Variants in WEE2 observed in about 807,000 individuals in gnomAD.
WEE2 encodes the protein WEE2 oocyte meiosis inhibiting kinase, also known as wee1-like protein kinase 2.
A neutral mutation model predicts 60.1 loss-of-function variants in WEE2; 50 were observed. The observed-to-expected ratio is 0.83, with a 90% confidence interval of 0.66 to 1.05. The LOEUF is 1.05. Among genes scored for constraint, WEE2 ranks in the 50% least tolerant of loss-of-function variants. The pLI is 0.00. For synonymous variants in WEE2, 240 were observed against 241.0 expected, an observed-to-expected ratio of 1.00 and a Z score of 0.04; for missense variants, 631 against 684.3, an observed-to-expected ratio of 0.92 and a Z score of 0.87.
chr7:141,723,322 C>T, intron 6 of WEE2, 42 bp downstream of exon 6: 1 of 1,596,194 alleles, frequency 6.3e-7, no homozygotes, highest in South Asian at 1.1e-5. Flanking sequence ...GTATTTTGTT[C>T]TTTCTATGCT....
chr7:141,723,928 A>ATT lies in WEE2; in HGVS notation c.1028-5_1028-4dup. 3 of 1,516,978 alleles carry ATT rather than the reference A, an allele frequency of 2.0e-6. No homozygotes were observed. Among genetic ancestry groups the ATT allele is most frequent in the Admixed American group, 1.8e-5 (1 of 55,666 alleles). The allele number at this position is 1,516,978 out of a possible 1,614,324, so 94.0% of individuals were successfully genotyped here. ...AGTCATTACTTACATCTATCCTGTCATTTTTTTTTCAGGTAATATATTCAT... is the reference window on the plus strand; with the variant it reads ...AGTCATTACTTACATCTATCCTGTCATTTTTTTTTTTCAGGTAATATATTCAT... On this transcript the variant is annotated splice_polypyrimidine_tract_variant and intron_variant, in intron 6 of 11. Transcript: ENST00000397541.
chr7:141,724,310 C>T, intron 8 of WEE2, 35 bp downstream of exon 8: 1 of 1,558,356 alleles, frequency 6.4e-7, no homozygotes, highest in Non-Finnish European at 8.7e-7. Context: ...ATTTTATAAT[C>T]TGTTGAACCT....
intron 4 of WEE2, chr7:141,720,652 A>G (rs1157855703): frequency 1.2e-5 from 4 of 325,428 alleles, no homozygotes; most frequent in Non-Finnish European, 2.3e-5. Context: ...ATGTTAAAAT[A>G]AAAAAAAAAC....
Position 141,708,780 on chromosome 7 carries a change from A to G in WEE2, c.22A>G (p.Lys8Glu), listed in dbSNP as rs1211377169. Residue 8 changes from lysine to glutamate, a missense_variant, in exon 1 of 12, where the codon AAA (lysine) becomes GAA (glutamate). Coordinates refer to ENST00000397541, the MANE Select transcript of WEE2 (RefSeq NM_001105558.1). ...TGAGATGGATGACAAAGATATTGAC[A>G]AAGAACTAAGGCAGAAATTAAACTT... MDDKDID[K>E]ELRQKLNFSY... 2 of 1,613,804 alleles carry G rather than the reference A, an allele frequency of 1.2e-6. No homozygotes were observed. Among genetic ancestry groups the G allele is most frequent in the Non-Finnish European group, 1.7e-6 (2 of 1,179,910 alleles).
At chr7:141,728,496 G>A (rs1242805498) in intron 10 of WEE2, among the ~76,000 whole-genome samples, 1 of 152,102 alleles carries the variant, frequency 6.6e-6, no homozygotes, top group Admixed American at 6.5e-5. Context: ...AATAAAGAAA[G>A]TACAAAGTAC....
intron 4 of WEE2, 95 bp from the exon 5 acceptor site, chr7:141,720,840 G>T: frequency 7.5e-7 from 1 of 1,330,554 alleles, no homozygotes. Flanking sequence ...TAAATATTCT[G>T]CCATTGCTAG....
At chr7:141,713,437 T>C (rs927119386) in intron 1 of WEE2, among the ~76,000 whole-genome samples, 7 of 152,172 alleles carry the variant, frequency 4.6e-5, no homozygotes, top group Non-Finnish European at 1.5e-5. Context: ...TTGGTTTCAT[T>C]CTGGTTAGGT....
Position 141,723,230 on chromosome 7 carries a change from G to A in WEE2, c.977G>A (p.Gly326Asp). 6.2e-7 allele frequency: 1 copy of A among 1,614,098 alleles called. No individual in the cohort carries two copies. The highest frequency in any genetic ancestry group is 8.5e-7 in the Non-Finnish European group (1 of 1,180,028). ...GACATCCTTCTACAGATTTCCCTTG[G>A]CCTTAATTACATCCACAACTCTAGC... ...LKDILLQISL[G>D]LNYIHNSSMV... is the part of the protein sequence containing the mutation. Residue 326 changes from glycine to aspartate, a missense_variant, in exon 6 of 12, where the codon GGC becomes GAC. Transcript: ENST00000397541.
chr7:141,714,483 G>C, intron 2 of WEE2, 78 bp downstream of exon 2: 1 of 1,106,990 alleles, frequency 9.0e-7, no homozygotes, highest in Non-Finnish European at 1.3e-6. Flanking sequence ...GTTAAAGTAA[G>C]ATTAGGAACG....
At chr7:141,719,926 C>T (rs553288718) in intron 4 of WEE2, among the ~76,000 whole-genome samples, 1 of 152,200 alleles carries the variant, frequency 6.6e-6, no homozygotes, top group South Asian at 2.1e-4. Context: ...TTTATCTTTA[C>T]TTTACATTAA....
At chr7:141,728,308 C>T (rs530534039) in intron 10 of WEE2, among the ~76,000 whole-genome samples, 190 of 152,220 alleles carry the variant, frequency 1.2e-3, no homozygotes, top group African/African-American at 4.5e-3. Context: ...CTTAGAAGTC[C>T]AGCTTCTCTT....
Position 141,708,653 on chromosome 7 carries a change from C to T in WEE2, c.-106C>T, listed in dbSNP as rs1584735494. ...GGTAGAGGGAAATTCAGGCTACCGT[C>T]GCGAAACCTGCAGGTTAAGTTATTT... On this transcript the variant is annotated 5_prime_UTR_variant, in exon 1 of 12. Coordinates refer to ENST00000397541, the MANE Select transcript of WEE2 (RefSeq NM_001105558.1). The T allele has an allele frequency of 3.1e-5, 29 of 942,814 alleles. No individual in the cohort carries two copies. The East Asian group carries it at 3.1e-4, about 10-fold the overall frequency. The allele number at this position is 942,814 out of a possible 1,614,324, so 58.4% of individuals were successfully genotyped here. A position where few individuals can be genotyped will look rare whatever the true frequency, so the allele number is the denominator to read the frequency against.
chr7:141,716,857 G>T (rs779562567), intron 3 of WEE2, among the ~76,000 whole-genome samples: 5 of 152,086 alleles, frequency 3.3e-5, no homozygotes, highest in Non-Finnish European at 5.9e-5. Flanking sequence ...GCTCTTAAAT[G>T]TATCAATATT....
intron 7 of WEE2, 65 bp downstream of exon 7, chr7:141,724,113 T>G (rs1724183141): frequency 1.9e-6 from 3 of 1,572,560 alleles, no homozygotes; most frequent in African/African-American, 2.7e-5. Flanking sequence ...ATGACTCAAT[T>G]TATTCATTTT....
chr7:141,727,493 T>G (rs1315967473), intron 10 of WEE2, 47 bp downstream of exon 10: 1 of 1,605,820 alleles, frequency 6.2e-7, no homozygotes, highest in Admixed American at 1.7e-5. Flanking sequence ...TGAGCACTAC[T>G]CACAATGGTA....
intron 7 of WEE2, 26 bp from the exon 8 acceptor site, chr7:141,724,164 T>G: frequency 6.3e-7 from 1 of 1,594,954 alleles, no homozygotes; most frequent in Non-Finnish European, 8.5e-7. Context: ...TCGATTTTAT[T>G]CTTTTTTCCT....
Position 141,709,070 on chromosome 7 carries a change from G to A in WEE2, c.312G>A (p.Leu104=). Residue 104 remains leucine, a synonymous_variant, in exon 1 of 12, where the codon CTG becomes CTA. Transcript: ENST00000397541. ...CCCAACCAGACAGCAGGAGCAAGCTGCTGCCCAGTGACAGCCCCTCTACTC... is the reference window on the plus strand; with the variant it reads ...CCCAACCAGACAGCAGGAGCAAGCTACTGCCCAGTGACAGCCCCTCTACTC... ...TPAQPDSRSK[L]LPSDSPSTPK... 6.2e-7 allele frequency: 1 copy of A among 1,614,022 alleles called. No homozygotes were observed. The highest frequency in any genetic ancestry group is 1.7e-5 in the Admixed American group (1 of 60,024).
At chr7:141,724,150 T>C (rs372745103) in intron 7 of WEE2, 40 bp from the exon 8 acceptor site, 101 of 1,590,374 alleles carry the variant, frequency 6.4e-5, no homozygotes, top group South Asian at 2.1e-4. Flanking sequence ...TAAAGCTCTT[T>C]TGTTCGATTT....
rs1798762411 is a variant in WEE2, at chr7:141,714,410, G to A, written c.539+5G>A. The stretch of plus-strand genomic sequence containing the variant: ...GAGGAAAATAAGAGGAGATCTGTAA[G>A]TGCTCTATTACTTATGACTTTTGAG... On this transcript the variant is annotated splice_donor_5th_base_variant and intron_variant, in intron 2 of 11. Coordinates refer to ENST00000397541, the MANE Select transcript of WEE2 (RefSeq NM_001105558.1). 1 of 1,604,560 alleles carries A rather than the reference G, an allele frequency of 6.2e-7. No homozygotes were observed. The highest frequency in any genetic ancestry group is 1.3e-5 in the African/African-American group (1 of 74,470).
Sources: gnomAD v4.1 joint callset for allele counts (sites outside exome capture counted in the v4.1 genomes callset) on GRCh38, gnomAD v4.1.1 for gene constraint, MANE v1.5 for transcripts, NCBI Gene and HGNC (gene_info 2026-07-23, HGNC 2026-07-21) for gene names.